AKT3: variants seen among roughly 807,000 people sequenced by gnomAD.
AKT3 encodes the protein RAC-gamma serine/threonine-protein kinase.
In AKT3, 15 loss-of-function variants were observed where a neutral mutation model predicts 65.3. The ratio of observed to expected loss-of-function variants is 0.23; its 90% confidence interval spans 0.15 to 0.35. The LOEUF is 0.35. AKT3 is among the 10% of genes least tolerant of loss of function. The pLI, the probability that AKT3 is intolerant of heterozygous loss-of-function variation, is 1.00. For missense variants in AKT3, 243 were observed against 576.5 expected, an observed-to-expected ratio of 0.42 and a Z score of 5.92; for synonymous variants, 206 against 183.8, an observed-to-expected ratio of 1.12 and a Z score of -0.98.
chr1:243,640,796 T>A (rs1680321752), intron 5 of AKT3, among the ~76,000 whole-genome samples: 1 of 152,132 alleles, frequency 6.6e-6, no homozygotes, highest in South Asian at 2.1e-4. Context: ...TACAAAATCA[T>A]GAGATATTTA....
chr1:243,615,767 T>C (rs905567249), intron 6 of AKT3, among the ~76,000 whole-genome samples: 1 of 152,104 alleles, frequency 6.6e-6, no homozygotes, highest in Non-Finnish European at 1.5e-5. Context: ...GTTCTTGCTC[T>C]GTTGCCCAGG....
intron 8 of AKT3, among the ~76,000 whole-genome samples, chr1:243,604,758 C>T (rs1677272540): frequency 6.6e-6 from 1 of 152,100 alleles, no homozygotes. Flanking sequence ...CATCTATCTC[C>T]CCAGTAAGTC....
At chr1:243,710,522 G>A (rs969237345) in intron 2 of AKT3, among the ~76,000 whole-genome samples, 7 of 152,010 alleles carry the variant, frequency 4.6e-5, no homozygotes, top group African/African-American at 1.2e-4. Context: ...ACTATACCCC[G>A]TCCTATGAAA....
chr1:243,838,149 G>C (rs938132032), intron 2 of AKT3, among the ~76,000 whole-genome samples: 2 of 152,068 alleles, frequency 1.3e-5, no homozygotes, highest in Non-Finnish European at 2.9e-5. Flanking sequence ...TTGATGGTTT[G>C]CTCCATGTGG....
chr1:243,527,884 C>A (rs1671226033), intron 12 of AKT3, among the ~76,000 whole-genome samples: 1 of 52,284 alleles, frequency 1.9e-5, no homozygotes, highest in Admixed American at 2.0e-4. Flanking sequence ...CACACACACA[C>A]ACACACACAC....
chr1:243,807,578 G>T (rs1382513225), intron 2 of AKT3, among the ~76,000 whole-genome samples: 3 of 152,228 alleles, frequency 2.0e-5, no homozygotes, highest in Non-Finnish European at 4.4e-5. Flanking sequence ...AAGGAGACCT[G>T]CCTGCCTCTG....
intron 2 of AKT3, among the ~76,000 whole-genome samples, chr1:243,773,207 A>AT (rs1553449654): frequency 1.8e-4 from 26 of 145,284 alleles, no homozygotes; most frequent in East Asian, 2.0e-4. Flanking sequence ...ATATATAAAA[A>AT]ATATATATAT....
At chr1:243,563,637 C>T (rs757681500) in intron 10 of AKT3, 83 bp downstream of exon 10, 4 of 1,483,198 alleles carry the variant, frequency 2.7e-6, no homozygotes, top group Admixed American at 2.4e-5. Flanking sequence ...GTAGATACTA[C>T]AGTTAACTTT....
intron 2 of AKT3, among the ~76,000 whole-genome samples, chr1:243,841,293 A>G (rs553922348): frequency 6.6e-6 from 1 of 152,324 alleles, no homozygotes; most frequent in Non-Finnish European, 1.5e-5. Flanking sequence ...ATGTGGAGAT[A>G]GCAACAGCTT....
At chr1:243,787,965 G>A (rs1022500563) in intron 2 of AKT3, among the ~76,000 whole-genome samples, 3 of 152,140 alleles carry the variant, frequency 2.0e-5, no homozygotes, top group African/African-American at 7.2e-5. Flanking sequence ...AAAAAAAATA[G>A]TGTGTCGACA....
At chr1:243,806,872 G>A (rs1412147343) in intron 2 of AKT3, among the ~76,000 whole-genome samples, 1 of 152,116 alleles carries the variant, frequency 6.6e-6, no homozygotes, top group East Asian at 1.9e-4. Flanking sequence ...GGTTCTTTCA[G>A]TGGTAGTAAT....
At position 243,501,878 on chromosome 1, in the gene AKT3, C is replaced by G. The variant is rs1669338657; in HGVS notation, c.*3371G>C. The G allele has an allele frequency of 1.7e-5, 4 of 232,680 alleles. No individual in the cohort carries two copies. Among genetic ancestry groups the G allele is most frequent in the Non-Finnish European group, 2.5e-5 (3 of 117,774 alleles). 14.4% of individuals were successfully genotyped at this position (232,680 alleles called of 1,614,324 possible). A position where few individuals can be genotyped will look rare whatever the true frequency, so the allele number is the denominator to read the frequency against. On this transcript the variant is annotated 3_prime_UTR_variant, in exon 14 of 14. Transcript: ENST00000673466. Reference sequence around the variant, plus strand: ...GTACAGTGTACAAAAACAGTTTCTCCTAGTTATTCCACATCCTTGTGGGTC... The same window carrying G: ...GTACAGTGTACAAAAACAGTTTCTCGTAGTTATTCCACATCCTTGTGGGTC...
chr1:243,739,780 C>A (rs1688045030), intron 2 of AKT3, among the ~76,000 whole-genome samples: 1 of 152,238 alleles, frequency 6.6e-6, no homozygotes, highest in Admixed American at 6.5e-5. Context: ...TCCCCTTACA[C>A]TCTGTTCCCC....
At chr1:243,616,561 A>G (rs1020022625) in intron 6 of AKT3, among the ~76,000 whole-genome samples, 1 of 152,210 alleles carries the variant, frequency 6.6e-6, no homozygotes, top group African/African-American at 2.4e-5. Context: ...AAACGAACAC[A>G]GCATCTCTGT....
chr1:243,550,443 T>C (rs1453047695), intron 11 of AKT3, among the ~76,000 whole-genome samples: 1 of 152,090 alleles, frequency 6.6e-6, no homozygotes, highest in Non-Finnish European at 1.5e-5. Flanking sequence ...GTACCGACTA[T>C]GTGCTATTCA....
chr1:243,608,294 A>G (rs1238855250), intron 8 of AKT3, among the ~76,000 whole-genome samples: 1 of 152,228 alleles, frequency 6.6e-6, no homozygotes, highest in African/African-American at 2.4e-5. Flanking sequence ...ACACATAAAA[A>G]TCACAAGCAT....
chr1:243,663,619 TAATC>T (rs1344328675), intron 4 of AKT3, among the ~76,000 whole-genome samples: 4 of 152,332 alleles, frequency 2.6e-5, no homozygotes, highest in South Asian at 2.1e-4. Context: ...CTATATTTCT[TAATC>T]AATCATACAT....
chr1:243,628,376 T>A (rs1407688269), intron 6 of AKT3, among the ~76,000 whole-genome samples: 1 of 152,090 alleles, frequency 6.6e-6, no homozygotes, highest in Non-Finnish European at 1.5e-5. Flanking sequence ...CACAACTCAC[T>A]GCAGCCTTGA....
At chr1:243,564,571 A>G (rs987576176) in intron 9 of AKT3, among the ~76,000 whole-genome samples, 6 of 152,164 alleles carry the variant, frequency 3.9e-5, no homozygotes, top group Non-Finnish European at 8.8e-5. Context: ...TATGAAATGT[A>G]AGAGAGGAGG....
Sources: gnomAD v4.1 joint callset for allele counts (sites outside exome capture counted in the v4.1 genomes callset) on GRCh38, gnomAD v4.1.1 for gene constraint, MANE v1.5 for transcripts, NCBI Gene and HGNC (gene_info 2026-07-23, HGNC 2026-07-21) for gene names.